The following PLCB3 variants were observed in gnomAD, a reference collection of about 807,000 sequenced individuals.
PLCB3 encodes 1-phosphatidylinositol 4,5-bisphosphate phosphodiesterase beta-3.
In PLCB3, 54 loss-of-function variants were observed where a neutral mutation model predicts 152.1. The observed-to-expected ratio is 0.36, with a 90% CI of 0.29 to 0.45. PLCB3 has a LOEUF of 0.45. Among genes scored for constraint, PLCB3 ranks in the 20% least tolerant of loss-of-function variants. The probability of loss-of-function intolerance (pLI) is 1.00; values close to 1 mark genes in which losing one functional copy is unlikely to be tolerated. For synonymous variants in PLCB3, 717 were observed against 698.7 expected, an observed-to-expected ratio of 1.03 and a Z score of -0.41; for missense variants, 1,248 against 1,687.5, an observed-to-expected ratio of 0.74 and a Z score of 4.56.
intron 23 of PLCB3, 43 bp from the exon 24 acceptor site, chr11:64,265,149 C>T (rs1471498825): frequency 1.9e-6 from 3 of 1,559,904 alleles, no homozygotes; most frequent in South Asian, 2.3e-5. Context: ...GGAGGCACCC[C>T]CCACCCTGTC....
Position 64,254,398 on chromosome 11 carries a change from C to G in PLCB3, c.100-17C>G, listed in dbSNP as rs756816991. Reference sequence around the variant, plus strand: ...AGCCCTCACTTCCTGACCCCTGCTGCCCTGTGCTGTCCTCAGGAGACCTCC... The same window carrying G: ...AGCCCTCACTTCCTGACCCCTGCTGGCCTGTGCTGTCCTCAGGAGACCTCC... On this transcript the variant is annotated splice_polypyrimidine_tract_variant and intron_variant, in intron 1 of 30. Coordinates refer to ENST00000279230, the MANE Select transcript of PLCB3 (RefSeq NM_000932.5). 6.2e-7 allele frequency: 1 copy of G among 1,608,218 alleles called. No individual in the cohort carries two copies. Among genetic ancestry groups the G allele is most frequent in the Admixed American group, 1.7e-5 (1 of 60,014 alleles).
chr11:64,251,990 CA>C (rs1740860377), intron 1 of PLCB3, among the ~76,000 whole-genome samples: 1 of 151,884 alleles, frequency 6.6e-6, no homozygotes, highest in African/African-American at 2.4e-5. Context: ...CTTTGAACCC[CA>C]ATAAACCCCG....
Position 64,258,822 on chromosome 11 carries a change from T to G in PLCB3, c.1254-63T>G. The stretch of plus-strand genomic sequence containing the variant: ...AACCCTGCGAACGGCCACTGACATG[T>G]CCCGTAGACCTCAGCTTCCTCTCTG... On this transcript the variant is annotated intron_variant, in intron 11 of 30. Coordinates refer to ENST00000279230, the MANE Select transcript of PLCB3 (RefSeq NM_000932.5). This position sits in a 1 kb window ranked among gnomAD's most constrained non-coding sequence, Gnocchi z 7.2. The G allele has an allele frequency of 6.8e-6, 11 of 1,607,198 alleles. No homozygotes were observed. Among genetic ancestry groups the G allele is most frequent in the Non-Finnish European group, 9.4e-6 (11 of 1,174,000 alleles).
At position 64,262,335 on chromosome 11, in the gene PLCB3, G is replaced by T. The variant is rs1393309435; in HGVS notation, c.2039-72G>T. ...GACCTTGGATGCCATCTGACCTGAT[G>T]ATCTCCCATTCCCCACATGGCACCG... On this transcript the variant is annotated intron_variant, in intron 17 of 30. Transcript: ENST00000279230. 3.2e-6 allele frequency: 5 copies of T among 1,559,222 alleles called. No individual in the cohort carries two copies. In the African/African-American group the frequency reaches 6.7e-5, roughly 21 times the overall value.
chr11:64,252,827 C>T (rs898574559), intron 1 of PLCB3, among the ~76,000 whole-genome samples: 1 of 151,998 alleles, frequency 6.6e-6, no homozygotes, highest in African/African-American at 2.4e-5. Flanking sequence ...GTGGGGGGTG[C>T]TGACGGAGGC....
chr11:64,260,666 G>A (rs1472582590), intron 14 of PLCB3, among the ~76,000 whole-genome samples: 5 of 151,670 alleles, frequency 3.3e-5, no homozygotes, highest in South Asian at 2.1e-4. Context: ...CCAGCTACTC[G>A]GGAGGCTGAG....
rs540937471 is a variant in PLCB3 at position 64,254,965 on chromosome 11, C to T, written c.314C>T (p.Thr105Met). ...PDARLEEKLM[T>M]VVSGPDPVNT... is the part of the protein sequence containing the mutation. Reference sequence around the variant, plus strand: ...GCCCGGCTGGAGGAGAAGCTGATGACGGTGGTGTCTGGGCCAGACCCAGTG... The same window carrying T: ...GCCCGGCTGGAGGAGAAGCTGATGATGGTGGTGTCTGGGCCAGACCCAGTG... Residue 105 changes from threonine (T) to methionine (M), a missense_variant, in exon 4 of 31, where the codon ACG becomes ATG. Transcript: ENST00000279230. The T allele has an allele frequency of 1.8e-5, 28 of 1,599,270 alleles. No individual in the cohort carries two copies. The highest frequency in any genetic ancestry group is 8.0e-5 in the African/African-American group (6 of 74,788).
rs5792316 is a variant in PLCB3, at chr11:64,256,997, CTTTTTTTTT to C, written c.1012+249_1012+257del. On this transcript the variant is annotated intron_variant, in intron 10 of 30. Coordinates refer to ENST00000279230, the MANE Select transcript of PLCB3 (RefSeq NM_000932.5). ...CTGCAGCAGGAGAGACTTCAGGGTCCTTTTTTTTTTTTTTTTTTTTTTTTGAGACAGAGT... is the reference window on the plus strand; with the variant it reads ...CTGCAGCAGGAGAGACTTCAGGGTCCTTTTTTTTTTTTTTTGAGACAGAGT... Among the ~76,000 whole-genome samples the C allele has an allele frequency of 5.2e-4, 32 of 61,562 alleles. 2 individuals are homozygous for C. The highest frequency in any genetic ancestry group is 9.0e-4 in the Admixed American group (4 of 4,454). 40.4% of individuals were successfully genotyped at this position (61,562 alleles called of 152,430 possible). A position where few individuals can be genotyped will look rare whatever the true frequency, so the allele number is the denominator to read the frequency against.
At position 64,255,674 on chromosome 11, in the gene PLCB3, G is replaced by T; in HGVS notation, c.598-47G>T. ...TGTCACGGTGGGCACCCACCCTTAC[G>T]GGGCTGCCCGCCCCTGGCTTCTCAC... On this transcript the variant is annotated intron_variant, in intron 7 of 30. Coordinates refer to ENST00000279230, the MANE Select transcript of PLCB3 (RefSeq NM_000932.5). This position sits in a 1 kb window ranked among gnomAD's most constrained non-coding sequence, Gnocchi z 6.8. 1 of 1,608,738 alleles carries T rather than the reference G, an allele frequency of 6.2e-7. No individual in the cohort carries two copies.
intron 13 of PLCB3, 151 bp from the exon 14 acceptor site, chr11:64,259,878 C>T: frequency 1.5e-6 from 1 of 663,580 alleles, no homozygotes; most frequent in Non-Finnish European, 2.6e-6. Context: ...CTGACCTCGA[C>T]CTCTTGGCCT....
chr11:64,267,776 T>C lies in PLCB3; in HGVS notation c.*220T>C. ...GGGCCTTGGTCAGGGCTTTGCTCCC[T>C]GTGACACCCACACCCTCGAGCTAGC... On this transcript the variant is annotated 3_prime_UTR_variant, in exon 31 of 31. Coordinates refer to ENST00000279230, the MANE Select transcript of PLCB3 (RefSeq NM_000932.5). The surrounding 1 kb of genome is among the most constrained non-coding windows in gnomAD (Gnocchi z 5.2). 2.0e-6 allele frequency: 1 copy of C among 505,908 alleles called. No individual in the cohort carries two copies. Among genetic ancestry groups the C allele is most frequent in the Non-Finnish European group, 3.5e-6 (1 of 288,226 alleles). The allele number at this position is 505,908 out of a possible 1,614,324, so 31.3% of individuals were successfully genotyped here. A position where few individuals can be genotyped will look rare whatever the true frequency, so the allele number is the denominator to read the frequency against.
intron 8 of PLCB3, 128 bp from the exon 9 acceptor site, chr11:64,256,248 A>G: frequency 1.3e-6 from 1 of 760,714 alleles, no homozygotes; most frequent in East Asian, 2.6e-5. Flanking sequence ...TGACTCACCC[A>G]GAGTCCCACT....
Position 64,251,721 on chromosome 11 carries a change from C to A in PLCB3, c.72C>A (p.Arg24=). ...EPPTVVETLR[R]GSKFIKWDEE... is the part of the protein sequence containing the mutation. ...CCACCGTGGTGGAGACCCTGCGGCG[C>A]GGGAGTAAGTTCATCAAATGGGACG... The change falls in exon 1 of 31, where the codon CGC becomes CGA. Residue 24 remains arginine (R), a synonymous_variant. Transcript: ENST00000279230. The A allele has an allele frequency of 6.7e-7, 1 of 1,482,870 alleles. No homozygotes were observed. Among genetic ancestry groups the A allele is most frequent in the Non-Finnish European group, 9.0e-7 (1 of 1,114,266 alleles). The allele number at this position is 1,482,870 out of a possible 1,614,324, so 91.9% of individuals were successfully genotyped here. A position where few individuals can be genotyped will look rare whatever the true frequency, so the allele number is the denominator to read the frequency against.
At position 64,258,805 on chromosome 11, in the gene PLCB3, G is replaced by A. The variant is rs868377071; in HGVS notation, c.1254-80G>A. ...ACTGCTCAGGGACCTCCAACCCTGC[G>A]AACGGCCACTGACATGTCCCGTAGA... On this transcript the variant is annotated intron_variant, in intron 11 of 30. Transcript: ENST00000279230. The surrounding 1 kb of genome is among the most constrained non-coding windows in gnomAD (Gnocchi z 7.2). 4.4e-6 allele frequency: 7 copies of A among 1,602,844 alleles called. No individual in the cohort carries two copies. The highest frequency in any genetic ancestry group is 1.7e-4 in the Middle Eastern group (1 of 6,028).
chr11:64,260,048 C>G lies in PLCB3; in HGVS notation c.1545C>G (p.Ser515Arg). Residue 515 changes from serine to arginine, a missense_variant, in exon 14 of 31, where the codon AGC becomes AGG. By Grantham distance (110) the Ser-to-Arg change is moderately radical. Around this residue, in one of 6 missense-constraint regions of PLCB3, gnomAD observed 105 missense variants for 100.9 expected, o/e 1.04. Transcript: ENST00000279230. The part of the protein sequence containing the change: ...SPQLGSPSSD[S>R]CPGLSNGEEV... The stretch of plus-strand genomic sequence containing the variant: ...CTGCAGGGTCTCCCAGCTCTGACAG[C>G]TGCCCAGGCCTGAGCAATGGGGAGG... 1 of 1,610,304 alleles carries G rather than the reference C, an allele frequency of 6.2e-7. No individual in the cohort carries two copies. The highest frequency in any genetic ancestry group is 8.5e-7 in the Non-Finnish European group (1 of 1,178,918).
Position 64,262,509 on chromosome 11 carries a change from C to T in PLCB3, c.2141C>T (p.Pro714Leu). 6.2e-7 allele frequency: 1 copy of T among 1,614,012 alleles called. No homozygotes were observed. Among genetic ancestry groups the T allele is most frequent in the Non-Finnish European group, 8.5e-7 (1 of 1,180,032 alleles). The change falls in exon 18 of 31, where the codon CCC becomes CTC. Residue 714 changes from proline (P) to leucine (L), a missense_variant. Transcript: ENST00000279230. ...FMRRPDKSFD[P>L]FTEVIVDGIV... Reference sequence around the variant, plus strand: ...CGGCGGCCGGACAAGTCCTTCGACCCCTTCACTGAGGTCATCGTGGATGGC... The same window carrying T: ...CGGCGGCCGGACAAGTCCTTCGACCTCTTCACTGAGGTCATCGTGGATGGC...
chr11:64,263,142 CG>C (rs1166995584), intron 19 of PLCB3, among the ~76,000 whole-genome samples: 2 of 152,242 alleles, frequency 1.3e-5, no homozygotes, highest in African/African-American at 4.8e-5. Context: ...GCACCCCGCA[CG>C]GCCCTGCATG....
chr11:64,267,324 C>T lies in PLCB3; in HGVS notation c.3502-29C>T, dbSNP rs758212256. 34 of 1,550,114 alleles carry T rather than the reference C, an allele frequency of 2.2e-5. No homozygotes were observed. Among genetic ancestry groups the T allele is most frequent in the Admixed American group, 5.9e-5 (3 of 51,018 alleles). ...GACGGGGTGCAAGGCAGCCAGGCCT[C>T]GCCTGTGATGCCCATCCTTCTCCCA... On this transcript the variant is annotated intron_variant, in intron 30 of 30. Transcript: ENST00000279230. The surrounding 1 kb of genome is among the most constrained non-coding windows in gnomAD (Gnocchi z 5.2).
intron 16 of PLCB3, 62 bp downstream of exon 16, chr11:64,261,727 G>T: frequency 6.6e-7 from 1 of 1,509,668 alleles, no homozygotes; most frequent in Non-Finnish European, 9.2e-7. Context: ...GCCGGCTCCG[G>T]TGTTCTGTCC....
Sources: gnomAD v4.1 joint callset for allele counts (sites outside exome capture counted in the v4.1 genomes callset) on GRCh38, gnomAD v4.1.1 for gene constraint, gnomAD v4.1.1 regional missense constraint, Gnocchi (gnomAD v3.1) non-coding constraint, MANE v1.5 for transcripts, NCBI Gene and HGNC (gene_info 2026-07-23, HGNC 2026-07-21) for gene names.